Variants in HCN3 observed in about 807,000 individuals in gnomAD.
HCN3 encodes potassium/sodium hyperpolarization-activated cyclic nucleotide-gated channel 3.
A neutral mutation model predicts 56.8 loss-of-function variants in HCN3; 36 were observed. The ratio of observed to expected loss-of-function variants is 0.63; its 90% CI spans 0.49 to 0.84. The LOEUF (loss-of-function observed/expected upper bound fraction) is 0.84. Ranked by LOEUF, HCN3 falls within the 40% of genes least tolerant of loss-of-function variation. The probability of loss-of-function intolerance (pLI) is 0.00; values close to 1 mark genes in which losing one functional copy is unlikely to be tolerated. For synonymous variants in HCN3, 425 were observed against 439.7 expected (o/e 0.97, Z 0.42); for missense variants, 930 against 1,079.3 (o/e 0.86, Z 1.94).
Position 155,288,248 on chromosome 1 carries a change from C to T in HCN3, c.2110C>T (p.Arg704Trp), listed in dbSNP as rs753181610. The change falls in exon 8 of 8, where the codon CGG (arginine) becomes TGG (tryptophan). Residue 704 changes from arginine to tryptophan, a missense_variant. Transcript: ENST00000368358. The surrounding 1 kb of genome is among the most constrained non-coding windows in gnomAD (Gnocchi z 6.5). ...LGPPPGGGGR[R>W]LGPRGRPLSA... Reference sequence around the variant, plus strand: ...TCCCCCTCCAGGAGGAGGTGGACGGCGGCTAGGACCTCGGGGCCGCCCACT... The same window carrying T: ...TCCCCCTCCAGGAGGAGGTGGACGGTGGCTAGGACCTCGGGGCCGCCCACT... 88 of 1,589,692 alleles carry T rather than the reference C, an allele frequency of 5.5e-5. No individual in the cohort carries two copies. Among genetic ancestry groups the T allele is most frequent in the Middle Eastern group, 3.3e-4 (2 of 6,056 alleles).
intron 1 of HCN3, among the ~76,000 whole-genome samples, chr1:155,281,067 T>A (rs1014677145): frequency 1.4e-5 from 2 of 147,014 alleles, no homozygotes; most frequent in Non-Finnish European, 3.0e-5. Flanking sequence ...GGCTAATTTT[T>A]AATTTTTTTT....
In HCN3 at chr1:155,287,782, CAAG is replaced by C. The variant is rs1674350698; in HGVS notation, c.1650_1652del (p.Lys550del). On this transcript the variant is annotated inframe_deletion and splice_region_variant, in exon 8 of 8. Transcript: ENST00000368358. ...TCTCCCTCCCGGTACAACTTCTAGG[CAAG>C]AAGAATTCCATACTGCAGCGGAAGC... 6 of 1,571,172 alleles carry C rather than the reference CAAG, an allele frequency of 3.8e-6. No individual in the cohort carries two copies. The highest frequency in any genetic ancestry group is 5.2e-6 in the Non-Finnish European group (6 of 1,157,120).
rs777298827 is a variant in HCN3 at position 155,284,783 on chromosome 1, G to A, written c.1089+26G>A. 1.9e-6 allele frequency: 3 copies of A among 1,587,452 alleles called. No individual in the cohort carries two copies. The highest frequency in any genetic ancestry group is 1.1e-5 in the South Asian group (1 of 87,874). Reference sequence around the variant, plus strand: ...GTCAGCAGGGACAGGAGAGGGAGGTGTGGCATGGAGGGGTGTTGGAGACTG... The same window carrying A: ...GTCAGCAGGGACAGGAGAGGGAGGTATGGCATGGAGGGGTGTTGGAGACTG... On this transcript the variant is annotated intron_variant, in intron 4 of 7. Coordinates refer to ENST00000368358, the MANE Select transcript of HCN3 (RefSeq NM_020897.3). This position sits in a 1 kb window ranked among gnomAD's most constrained non-coding sequence, Gnocchi z 4.3.
At position 155,288,547 on chromosome 1, in the gene HCN3, G is replaced by C; in HGVS notation, c.*84G>C. 6.7e-7 allele frequency: 1 copy of C among 1,484,412 alleles called. No individual in the cohort carries two copies. Among genetic ancestry groups the C allele is most frequent in the Admixed American group, 2.3e-5 (1 of 43,034 alleles). The allele number at this position is 1,484,412 out of a possible 1,614,324, so 92.0% of individuals were successfully genotyped here. A position where few individuals can be genotyped will look rare whatever the true frequency, so the allele number is the denominator to read the frequency against. On this transcript the variant is annotated 3_prime_UTR_variant, in exon 8 of 8. Coordinates refer to ENST00000368358, the MANE Select transcript of HCN3 (RefSeq NM_020897.3). This position sits in a 1 kb window ranked among gnomAD's most constrained non-coding sequence, Gnocchi z 6.5. ...GATGCCTCTTGGGGAAGGCCATGGGGACCTGAAACATTGCCCCATGGAAAT... is the reference window on the plus strand; with the variant it reads ...GATGCCTCTTGGGGAAGGCCATGGGCACCTGAAACATTGCCCCATGGAAAT...
In HCN3 at chr1:155,287,344, C is replaced by A; in HGVS notation, c.1642+7C>A. On this transcript the variant is annotated splice_region_variant and intron_variant, in intron 7 of 7. Transcript: ENST00000368358. Reference sequence around the variant, plus strand: ...GATCGGCTGCTCCGCATCGGTGAGACCTGTCCACCCCATCTGCTCTGGGTC... The same window carrying A: ...GATCGGCTGCTCCGCATCGGTGAGAACTGTCCACCCCATCTGCTCTGGGTC... The A allele has an allele frequency of 6.2e-7, 1 of 1,613,516 alleles. No individual in the cohort carries two copies. Among genetic ancestry groups the A allele is most frequent in the Non-Finnish European group, 8.5e-7 (1 of 1,179,824 alleles).
Position 155,288,116 on chromosome 1 carries a change from G to C in HCN3, c.1978G>C (p.Val660Leu). 6.2e-7 allele frequency: 1 copy of C among 1,602,028 alleles called. No homozygotes were observed. Among genetic ancestry groups the C allele is most frequent in the Non-Finnish European group, 8.5e-7 (1 of 1,176,816 alleles). ...CTCTCCAGCTTCCCCGCTGGTGCCC[G>C]TCCGAGCTGGCCCATGGGCATCCAC... ...AGSPASPLVP[V>L]RAGPWASTSR... Residue 660 changes from valine to leucine, a missense_variant, in exon 8 of 8, where the codon GTC becomes CTC. Val to Leu is a conservative substitution (Grantham distance 32, BLOSUM62 1). Transcript: ENST00000368358. The surrounding 1 kb of genome is among the most constrained non-coding windows in gnomAD (Gnocchi z 6.5).
At chr1:155,279,971 G>A (rs990527856) in intron 1 of HCN3, among the ~76,000 whole-genome samples, 9 of 151,854 alleles carry the variant, frequency 5.9e-5, no homozygotes, top group Admixed American at 4.6e-4. Context: ...TTTTGAGAAG[G>A]AGTCTCACTG....
chr1:155,278,075 C>T (rs1315368676), intron 1 of HCN3, among the ~76,000 whole-genome samples: 2 of 152,130 alleles, frequency 1.3e-5, no homozygotes, highest in Non-Finnish European at 2.9e-5. Flanking sequence ...CCTGGACAGG[C>T]TGGGGGCACC....
At position 155,284,800 on chromosome 1, in the gene HCN3, TGGAGACTGG is replaced by T; in HGVS notation, c.1089+45_1089+53del. 1 of 1,549,234 alleles carries T rather than the reference TGGAGACTGG, an allele frequency of 6.5e-7. No homozygotes were observed. The highest frequency in any genetic ancestry group is 2.3e-5 in the East Asian group (1 of 43,264). On this transcript the variant is annotated intron_variant, in intron 4 of 7. Transcript: ENST00000368358. This position sits in a 1 kb window ranked among gnomAD's most constrained non-coding sequence, Gnocchi z 4.3. ...AGGGAGGTGTGGCATGGAGGGGTGT[TGGAGACTGG>T]GTAGCCTGACTTGAGGCCCATTCTG... is the stretch of plus-strand genomic sequence containing the variant.
chr1:155,287,393 C>T (rs923315731), intron 7 of HCN3, 56 bp downstream of exon 7: 5 of 1,596,600 alleles, frequency 3.1e-6, no homozygotes, highest in African/African-American at 2.7e-5. Flanking sequence ...CACCCCACCT[C>T]CAAAGCAAGG....
At position 155,288,008 on chromosome 1, in the gene HCN3, C is replaced by G; in HGVS notation, c.1870C>G (p.Leu624Val). ...TGTGACCTCCAATGTGGCCATTGCC[C>G]TGACTCATCAGCGGGGCCCTCTGCC... ...AAVTSNVAIA[L>V]THQRGPLPLS... Residue 624 changes from leucine (L) to valine (V), a missense_variant, in exon 8 of 8, where the codon CTG becomes GTG. By Grantham distance (32) the Leu-to-Val change is conservative. Transcript: ENST00000368358. This position sits in a 1 kb window ranked among gnomAD's most constrained non-coding sequence, Gnocchi z 6.5. 1 of 1,614,058 alleles carries G rather than the reference C, an allele frequency of 6.2e-7. No homozygotes were observed. Among genetic ancestry groups the G allele is most frequent in the Non-Finnish European group, 8.5e-7 (1 of 1,180,004 alleles).
rs371369482 is a variant in HCN3, at chr1:155,285,981, G to A, written c.1477+17G>A. The A allele has an allele frequency of 2.6e-5, 40 of 1,562,100 alleles. No homozygotes were observed. Among genetic ancestry groups the A allele is most frequent in the Admixed American group, 7.1e-5 (4 of 56,574 alleles). ...ACTTTGGGGGTCAGCAGGCCTCAGG[G>A]AGGGTGGCAGGGTCACGAGCAGACA... is the stretch of plus-strand genomic sequence containing the variant. On this transcript the variant is annotated intron_variant, in intron 6 of 7. Coordinates refer to ENST00000368358, the MANE Select transcript of HCN3 (RefSeq NM_020897.3). The surrounding 1 kb of genome is among the most constrained non-coding windows in gnomAD (Gnocchi z 4.5).
chr1:155,288,901 C>G lies in HCN3; in HGVS notation c.*438C>G, dbSNP rs972324076. The G allele has an allele frequency of 5.9e-6, 1 of 168,576 alleles. No individual in the cohort carries two copies. Among genetic ancestry groups the G allele is most frequent in the African/African-American group, 2.4e-5 (1 of 41,886 alleles). 10.4% of individuals were successfully genotyped at this position (168,576 alleles called of 1,614,324 possible). ...TGTCTCTGTTTCCCTGCCAATGATC[C>G]TGCAGGTTCTGCCCGGTCTGGTTAT... On this transcript the variant is annotated 3_prime_UTR_variant, in exon 8 of 8. Transcript: ENST00000368358. This position sits in a 1 kb window ranked among gnomAD's most constrained non-coding sequence, Gnocchi z 6.5.
At position 155,277,707 on chromosome 1, in the gene HCN3, A is replaced by T. The variant is rs535621096; in HGVS notation, c.117A>T (p.Lys39Asn). The change falls in exon 1 of 8, where the codon AAA becomes AAT. Residue 39 changes from lysine (K) to asparagine (N), a missense_variant. Physicochemically the swap from Lys to Asn is moderately conservative, Grantham distance 94. Coordinates refer to ENST00000368358, the MANE Select transcript of HCN3 (RefSeq NM_020897.3). ...PATAASGPIPKSGPEPKRRHL... is the reference protein window; with the variant it reads ...PATAASGPIPNSGPEPKRRHL... ...CCGCGGCCTCAGGTCCGATCCCCAA[A>T]TCTGGGCCTGAGCCTAAGAGGAGGC... 8 of 1,577,946 alleles carry T rather than the reference A, an allele frequency of 5.1e-6. No individual in the cohort carries two copies. The African/African-American group carries it at 9.4e-5, about 19-fold the overall frequency.
chr1:155,282,281 A>G lies in HCN3; in HGVS notation c.279-130A>G, dbSNP rs1011385166. On this transcript the variant is annotated intron_variant, in intron 1 of 7. Coordinates refer to ENST00000368358, the MANE Select transcript of HCN3 (RefSeq NM_020897.3). The surrounding 1 kb of genome is among the most constrained non-coding windows in gnomAD (Gnocchi z 4.7). ...ATGGTGGTCCCAACTTATACTCCCA[A>G]CAGCTGTAAACAGTCATTCTGTTAT... 1 of 849,136 alleles carries G rather than the reference A, an allele frequency of 1.2e-6. No individual in the cohort carries two copies. Among genetic ancestry groups the G allele is most frequent in the African/African-American group, 1.7e-5 (1 of 59,198 alleles). The allele number at this position is 849,136 out of a possible 1,614,324, so 52.6% of individuals were successfully genotyped here. A position where few individuals can be genotyped will look rare whatever the true frequency, so the allele number is the denominator to read the frequency against.
intron 1 of HCN3, among the ~76,000 whole-genome samples, chr1:155,279,737 G>A (rs1374392873): frequency 6.6e-6 from 1 of 152,120 alleles, no homozygotes; most frequent in Non-Finnish European, 1.5e-5. Context: ...AAGAGTGAGT[G>A]AGTCATAATA....
chr1:155,283,038 G>T (rs1490584369), intron 2 of HCN3, among the ~76,000 whole-genome samples, 198 bp downstream of exon 2: 1 of 152,056 alleles, frequency 6.6e-6, no homozygotes, highest in African/African-American at 2.4e-5. Context: ...CAGAATGAGG[G>T]TTCGGGGGAT....
In HCN3 at chr1:155,288,230, C is replaced by T. The variant is rs377209022; in HGVS notation, c.2092C>T (p.Pro698Ser). 1.3e-6 allele frequency: 2 copies of T among 1,582,062 alleles called. No homozygotes were observed. The highest frequency in any genetic ancestry group is 8.6e-7 in the Non-Finnish European group (1 of 1,168,228). ...RSQVSLLGPP[P>S]GGGGRRLGPR... ...CCAGGTCTCCCTGCTGGGTCCCCCTCCAGGAGGAGGTGGACGGCGGCTAGG... is the reference window on the plus strand; with the variant it reads ...CCAGGTCTCCCTGCTGGGTCCCCCTTCAGGAGGAGGTGGACGGCGGCTAGG... The change falls in exon 8 of 8, where the codon CCA becomes TCA. Residue 698 changes from proline (P) to serine (S), a missense_variant. Coordinates refer to ENST00000368358, the MANE Select transcript of HCN3 (RefSeq NM_020897.3). The surrounding 1 kb of genome is among the most constrained non-coding windows in gnomAD (Gnocchi z 6.5).
intron 1 of HCN3, 78 bp downstream of exon 1, chr1:155,277,946 C>T: frequency 2.7e-6 from 4 of 1,500,638 alleles, no homozygotes; most frequent in Non-Finnish European, 3.6e-6. Context: ...CCGGCCCGCC[C>T]CACCCTCCAC....
Sources: allele counts gnomAD v4.1 joint callset (sites outside exome capture counted in the v4.1 genomes callset), GRCh38; gene constraint gnomAD v4.1.1; non-coding constraint Gnocchi (gnomAD v3.1); transcripts MANE v1.5; gene names NCBI Gene and HGNC (gene_info 2026-07-23, HGNC 2026-07-21).